Variants in CCDC3 observed in about 807,000 individuals in gnomAD.
The protein encoded by CCDC3 is coiled-coil domain-containing protein 3.
CCDC3 carries 24 observed loss-of-function variants against 21.4 expected under a neutral mutation model. That is an observed-to-expected ratio of 1.12 (90% CI 0.81 to 1.58). The LOEUF is 1.58. Ranked by LOEUF, CCDC3 falls within the 40% of genes most tolerant of loss-of-function variation. The probability of loss-of-function intolerance (pLI) is 0.00; values close to 1 mark genes in which losing one functional copy is unlikely to be tolerated. For synonymous variants in CCDC3, 186 were observed against 166.0 expected (o/e 1.12, Z -0.93); for missense variants, 425 against 360.9 (o/e 1.18, Z -1.44).
intron 2 of CCDC3, among the ~76,000 whole-genome samples, chr10:12,969,347 T>C (rs1286351970): frequency 6.6e-6 from 1 of 152,118 alleles, no homozygotes; most frequent in Non-Finnish European, 1.5e-5. Flanking sequence ...TTTGTAACAG[T>C]TGGTGGGAAT....
At chr10:13,055,088 C>A (rs1007478781) in intron 4 of CCDC3, among the ~76,000 whole-genome samples, 1 of 152,176 alleles carries the variant, frequency 6.6e-6, no homozygotes, top group African/African-American at 2.4e-5. Flanking sequence ...AGCTGGGGCC[C>A]AAACATCATG....
At chr10:13,072,459 G>T (rs149014786) in intron 4 of CCDC3, among the ~76,000 whole-genome samples, 3 of 152,246 alleles carry the variant, frequency 2.0e-5, no homozygotes, top group African/African-American at 7.2e-5. Flanking sequence ...GAGAATCTCC[G>T]ACCCACCCCA....
At chr10:12,936,127 C>A (rs948473725) in intron 2 of CCDC3, among the ~76,000 whole-genome samples, 2 of 152,184 alleles carry the variant, frequency 1.3e-5, no homozygotes, top group African/African-American at 4.8e-5. Context: ...TGAACAACTT[C>A]TTTAAACATT....
At chr10:12,907,952 G>A (rs1217584635) in intron 2 of CCDC3, among the ~76,000 whole-genome samples, 1 of 152,260 alleles carries the variant, frequency 6.6e-6, no homozygotes, top group Non-Finnish European at 1.5e-5. Context: ...CCTGCTGAGA[G>A]TTGGAGCGCA....
chr10:12,937,548 G>C (rs1284158673), intron 2 of CCDC3, among the ~76,000 whole-genome samples: 1 of 151,946 alleles, frequency 6.6e-6, no homozygotes, highest in Non-Finnish European at 1.5e-5. Context: ...CTGCAGCCTC[G>C]ACCTCCTGGG....
At chr10:13,087,420 A>AT (rs1554766694) in intron 3 of CCDC3, among the ~76,000 whole-genome samples, 7,026 of 149,512 alleles carry the variant, frequency 0.047, 238 homozygotes, top group Non-Finnish European at 0.076. Flanking sequence ...AAAAAAAAAA[A>AT]TGGTGCTAGG....
At chr10:12,982,006 C>A (rs1196967521) in intron 2 of CCDC3, among the ~76,000 whole-genome samples, 1 of 150,988 alleles carries the variant, frequency 6.6e-6, no homozygotes, top group Non-Finnish European at 1.5e-5. Flanking sequence ...GTCTGTAGTC[C>A]CAGCTACTTG....
At chr10:12,905,027 TTAAA>T (rs1249134830) in intron 2 of CCDC3, among the ~76,000 whole-genome samples, 1 of 151,678 alleles carries the variant, frequency 6.6e-6, no homozygotes, top group Non-Finnish European at 1.5e-5. Context: ...TGCTTTTAAT[TTAAA>T]TAACCACGTA....
At chr10:12,965,717 A>C (rs201744593) in intron 2 of CCDC3, among the ~76,000 whole-genome samples, 1 of 152,380 alleles carries the variant, frequency 6.6e-6, no homozygotes, top group South Asian at 2.1e-4. Context: ...TTTCTCATGT[A>C]ATCATGAGTC....
upstream of CCDC3, chr10:13,001,749 C>G (rs924552840): frequency 3.4e-5 from 10 of 290,832 alleles, no homozygotes; most frequent in South Asian, 1.3e-4. Context: ...AAAAGGGTCC[C>G]GGGGACTGGA....
intron 5 of CCDC3, among the ~76,000 whole-genome samples, chr10:13,010,604 C>T (rs969738909): frequency 2.6e-5 from 4 of 152,190 alleles, no homozygotes; most frequent in African/African-American, 9.7e-5. Context: ...CATTCCACTC[C>T]TAGGGATATA....
intron 2 of CCDC3, among the ~76,000 whole-genome samples, chr10:12,970,517 T>C (rs916120609): frequency 1.3e-5 from 2 of 152,214 alleles, no homozygotes; most frequent in Admixed American, 6.5e-5. Flanking sequence ...TTCTACAACG[T>C]ATACATATAT....
chr10:12,944,196 G>T (rs753488431), intron 2 of CCDC3, among the ~76,000 whole-genome samples: 1 of 152,074 alleles, frequency 6.6e-6, no homozygotes, highest in Non-Finnish European at 1.5e-5. Context: ...TCTCTCATGG[G>T]GGAAACTTGT....
chr10:13,039,061 A>G (rs1266901895), intron 5 of CCDC3, among the ~76,000 whole-genome samples: 2 of 152,210 alleles, frequency 1.3e-5, no homozygotes, highest in African/African-American at 4.8e-5. Context: ...CACCACGCAC[A>G]TGCTTCAGTT....
chr10:12,913,928 A>G (rs1329082727), intron 2 of CCDC3, among the ~76,000 whole-genome samples: 1 of 152,242 alleles, frequency 6.6e-6, no homozygotes, highest in Non-Finnish European at 1.5e-5. Context: ...TCCCTGGGAT[A>G]AATGTCATTT....
intron 1 of CCDC3, among the ~76,000 whole-genome samples, chr10:13,000,147 T>G (rs1037163155): frequency 1.3e-5 from 2 of 152,208 alleles, no homozygotes; most frequent in Admixed American, 1.3e-4. Context: ...ATATCCTCAG[T>G]GCTACTTCCC....
chr10:13,030,603 C>A (rs569288140), intron 5 of CCDC3, among the ~76,000 whole-genome samples: 1 of 151,994 alleles, frequency 6.6e-6, no homozygotes, highest in African/African-American at 2.4e-5. Context: ...ACCCATCTCA[C>A]ATGCAGAGAC....
intron 3 of CCDC3, among the ~76,000 whole-genome samples, chr10:13,081,107 G>A (rs1423230646): frequency 7.0e-6 from 1 of 143,252 alleles, no homozygotes; most frequent in Non-Finnish European, 1.5e-5. Context: ...AAACAACTAA[G>A]TAAACATTTT....
chr10:12,906,593 C>T (rs370845493), intron 2 of CCDC3, among the ~76,000 whole-genome samples: 3 of 152,188 alleles, frequency 2.0e-5, no homozygotes, highest in African/African-American at 7.2e-5. Context: ...CCACACTCCA[C>T]GTACCCAGAT....
Sources: allele counts gnomAD v4.1 joint callset (sites outside exome capture counted in the v4.1 genomes callset), GRCh38; gene constraint gnomAD v4.1.1; transcripts MANE v1.5; gene names NCBI Gene and HGNC (gene_info 2026-07-23, HGNC 2026-07-21).